Variants in CNTN3 observed in about 807,000 individuals in gnomAD.
The protein encoded by CNTN3 is contactin-3.
A neutral mutation model predicts 119.1 loss-of-function variants in CNTN3; 60 were observed. The ratio of observed to expected loss-of-function variants is 0.50; its 90% CI spans 0.41 to 0.62. CNTN3 has a LOEUF of 0.62. Ranked by LOEUF, CNTN3 falls within the 20% of genes least tolerant of loss-of-function variation. The pLI is 0.00. For synonymous variants in CNTN3, 450 were observed against 438.7 expected (o/e 1.03, Z -0.32); for missense variants, 1,101 against 1,242.4 (o/e 0.89, Z 1.71).
chr3:74,337,201 T>C (rs915322393), intron 11 of CNTN3, among the ~76,000 whole-genome samples: 12 of 152,124 alleles, frequency 7.9e-5, no homozygotes, highest in African/African-American at 2.7e-4. Context: ...GAAAAGAGCC[T>C]AGGCAAATCC....
chr3:74,454,629 T>A (rs1479625147), intron 4 of CNTN3, among the ~76,000 whole-genome samples: 1 of 152,192 alleles, frequency 6.6e-6, no homozygotes, highest in Non-Finnish European at 1.5e-5. Context: ...CATTTTGGCA[T>A]GATTTTGCAG....
intron 1 of CNTN3, among the ~76,000 whole-genome samples, chr3:74,535,450 G>A (rs778849149): frequency 2.0e-5 from 3 of 152,056 alleles, no homozygotes; most frequent in African/African-American, 2.4e-5. Flanking sequence ...AATGATTCAC[G>A]ATGATAGCAT....
chr3:74,547,315 T>C (rs903945258), intron 1 of CNTN3, among the ~76,000 whole-genome samples: 2 of 152,154 alleles, frequency 1.3e-5, no homozygotes, highest in African/African-American at 4.8e-5. Context: ...TACCTATCAC[T>C]AGTAGATGCA....
At chr3:74,285,618 A>G in intron 19 of CNTN3, 127 bp from the exon 20 acceptor site, 1 of 912,748 alleles carries the variant, frequency 1.1e-6, no homozygotes, top group Non-Finnish European at 1.7e-6. Flanking sequence ...CTGAAGACCT[A>G]CTATGTGCTA....
chr3:74,613,619 G>A (rs1000378577), intron 1 of CNTN3, among the ~76,000 whole-genome samples: 2 of 152,142 alleles, frequency 1.3e-5, no homozygotes, highest in Non-Finnish European at 2.9e-5. Flanking sequence ...AGAGTTGTAC[G>A]GAGCTTTGCA....
chr3:74,553,803 G>A (rs547430464), intron 1 of CNTN3, among the ~76,000 whole-genome samples: 1 of 152,162 alleles, frequency 6.6e-6, no homozygotes, highest in South Asian at 2.1e-4. Context: ...GTTCTTCGTA[G>A]ATTACGGATA....
intron 4 of CNTN3, among the ~76,000 whole-genome samples, chr3:74,471,490 CCTT>C (rs1702565937): frequency 6.6e-6 from 1 of 152,260 alleles, no homozygotes; most frequent in South Asian, 2.1e-4. Context: ...TTTCTATTCT[CCTT>C]GTTTGAATCC....
intron 1 of CNTN3, among the ~76,000 whole-genome samples, chr3:74,523,742 A>G (rs1406300467): frequency 1.3e-5 from 2 of 151,934 alleles, no homozygotes; most frequent in East Asian, 3.9e-4. Flanking sequence ...AAATATATGA[A>G]GCTCTGCCCT....
At chr3:74,586,439 A>C (rs1704594041) in intron 1 of CNTN3, among the ~76,000 whole-genome samples, 1 of 152,106 alleles carries the variant, frequency 6.6e-6, no homozygotes, top group Non-Finnish European at 1.5e-5. Flanking sequence ...AACCTGCAAT[A>C]CTGATGAAGA....
intron 1 of CNTN3, among the ~76,000 whole-genome samples, chr3:74,546,488 C>T (rs1703917391): frequency 6.6e-6 from 1 of 152,170 alleles, no homozygotes; most frequent in Non-Finnish European, 1.5e-5. Context: ...AATCAGCTGC[C>T]AGCACAGCTA....
intron 1 of CNTN3, among the ~76,000 whole-genome samples, chr3:74,539,963 G>C (rs1003703339): frequency 3.9e-5 from 6 of 152,098 alleles, no homozygotes; most frequent in African/African-American, 7.2e-5. Flanking sequence ...ATAAAATCCA[G>C]ACCTGTATGA....
chr3:74,485,025 G>C (rs1702826995), intron 4 of CNTN3, among the ~76,000 whole-genome samples: 1 of 152,108 alleles, frequency 6.6e-6, no homozygotes, highest in South Asian at 2.1e-4. Context: ...AGTAATGCCA[G>C]GTAAAACATG....
At chr3:74,523,331 G>A (rs1323778724) in intron 1 of CNTN3, among the ~76,000 whole-genome samples, 1 of 151,794 alleles carries the variant, frequency 6.6e-6, no homozygotes, top group Non-Finnish European at 1.5e-5. Context: ...AACCAATAAT[G>A]TTTTTTAAAT....
chr3:74,382,130 C>T (rs1273791971), intron 5 of CNTN3, among the ~76,000 whole-genome samples: 6 of 152,010 alleles, frequency 3.9e-5, no homozygotes, highest in African/African-American at 1.2e-4. Context: ...ATCACTTGAA[C>T]CCAGAAGGTG....
At chr3:74,449,159 T>C (rs1478992066) in intron 4 of CNTN3, among the ~76,000 whole-genome samples, 5 of 151,996 alleles carry the variant, frequency 3.3e-5, no homozygotes, top group African/African-American at 9.6e-5. Flanking sequence ...CTAAGTATTA[T>C]ATAATAAAAA....
Position 74,334,836 on chromosome 3 carries a change from C to T in CNTN3, c.1567G>A (p.Val523Ile), listed in dbSNP as rs1703349198. ...ATGTCTAACAGCGGGTCATGTTGTACCTGGCAGGGCAATATGACGCTTTCA... is the reference window on the plus strand; with the variant it reads ...ATGTCTAACAGCGGGTCATGTTGTATCTGGCAGGGCAATATGACGCTTTCA... ...VGESVILPCQ[V>I]QHDPLLDIIF... The change falls in exon 13 of 23, where the codon GTA becomes ATA. Residue 523 changes from valine (V) to isoleucine (I), a missense_variant. Transcript: ENST00000263665. 6.2e-7 allele frequency: 1 copy of T among 1,613,392 alleles called. No homozygotes were observed. Among genetic ancestry groups the T allele is most frequent in the Admixed American group, 1.7e-5 (1 of 59,940 alleles).
intron 1 of CNTN3, among the ~76,000 whole-genome samples, chr3:74,545,714 T>C (rs1389610354): frequency 1.3e-5 from 2 of 152,196 alleles, no homozygotes; most frequent in Non-Finnish European, 2.9e-5. Flanking sequence ...AGATATTCAG[T>C]GATACAAAGC....
chr3:74,565,136 A>AG (rs1704207795), intron 1 of CNTN3, among the ~76,000 whole-genome samples: 1 of 152,164 alleles, frequency 6.6e-6, no homozygotes, highest in Non-Finnish European at 1.5e-5. Context: ...CTACTATAAC[A>AG]AGTTATCACA....
At chr3:74,305,563 G>T (rs555174703) in intron 13 of CNTN3, among the ~76,000 whole-genome samples, 1 of 152,030 alleles carries the variant, frequency 6.6e-6, no homozygotes, top group East Asian at 1.9e-4. Flanking sequence ...ATGCTATTAG[G>T]CCACAAAAAT....
Sources: allele counts gnomAD v4.1 joint callset (sites outside exome capture counted in the v4.1 genomes callset), GRCh38; gene constraint gnomAD v4.1.1; transcripts MANE v1.5; gene names NCBI Gene and HGNC (gene_info 2026-07-23, HGNC 2026-07-21).